The following IL18RAP variants were observed in gnomAD, a reference collection of about 807,000 sequenced individuals.
IL18RAP encodes the protein interleukin 18 receptor accessory protein.
In IL18RAP, 37 loss-of-function variants were observed where a neutral mutation model predicts 58.1. The ratio of observed to expected loss-of-function variants is 0.64; its 90% CI spans 0.49 to 0.84. The LOEUF (loss-of-function observed/expected upper bound fraction) is 0.84. Among genes scored for constraint, IL18RAP ranks in the 40% least tolerant of loss-of-function variants. The probability of loss-of-function intolerance (pLI) is 0.00; values close to 1 mark genes in which losing one functional copy is unlikely to be tolerated. For synonymous variants in IL18RAP, 268 were observed against 257.5 expected, an observed-to-expected ratio of 1.04 and a Z score of -0.39; for missense variants, 667 against 704.8, an observed-to-expected ratio of 0.95 and a Z score of 0.61.
chr2:102,451,847 C>T lies in IL18RAP; in HGVS notation c.1466C>T (p.Pro489Leu), dbSNP rs1368819981. Residue 489 changes from proline to leucine, a missense_variant, in exon 10 of 10, where the codon CCC (proline) becomes CTC (leucine). By Grantham distance (98) the Pro-to-Leu change is moderately conservative. Coordinates refer to ENST00000687160, the MANE Select transcript of IL18RAP (RefSeq NM_001393487.1). ...FILSPNYVNG[P>L]SIFELQAAVN... ...TTGAGCCCCAACTATGTCAATGGAC[C>T]CAGTATCTTTGAACTACAAGCAGCA... 3.7e-6 allele frequency: 6 copies of T among 1,613,550 alleles called. No individual in the cohort carries two copies. Among genetic ancestry groups the T allele is most frequent in the Admixed American group, 1.7e-5 (1 of 60,004 alleles).
In IL18RAP at chr2:102,424,380, G is replaced by C. The variant is rs916735169; in HGVS notation, c.545G>C (p.Ser182Thr). Reference sequence around the variant, plus strand: ...TCTTGCCCCAGTCTCAGCTGCCAAAGTGATGCACAAAGTCCAGCGGTAACC... The same window carrying C: ...TCTTGCCCCAGTCTCAGCTGCCAAACTGATGCACAAAGTCCAGCGGTAACC... Reference protein sequence around the residue: ...SISCPSLSCQSDAQSPAVTWY... With the variant: ...SISCPSLSCQTDAQSPAVTWY... Residue 182 changes from serine to threonine, a missense_variant, in exon 3 of 10, where the codon AGT becomes ACT. Physicochemically the swap from Ser to Thr is moderately conservative, Grantham distance 58. Transcript: ENST00000687160. 2 of 1,614,070 alleles carry C rather than the reference G, an allele frequency of 1.2e-6. No individual in the cohort carries two copies. The highest frequency in any genetic ancestry group is 1.7e-5 in the Admixed American group (1 of 60,008).
intron 3 of IL18RAP, among the ~76,000 whole-genome samples, chr2:102,430,381 C>T (rs1682258611): frequency 6.6e-6 from 1 of 151,882 alleles, no homozygotes; most frequent in Non-Finnish European, 1.5e-5. Context: ...GCTATCCCTG[C>T]TCTCTCTTGG....
At position 102,423,208 on chromosome 2, in the gene IL18RAP, G is replaced by GA. The variant is rs754047273; in HGVS notation, c.-68dup. The GA allele has an allele frequency of 4.9e-6, 7 of 1,424,230 alleles. No individual in the cohort carries two copies. The highest frequency in any genetic ancestry group is 6.9e-6 in the Non-Finnish European group (7 of 1,007,680). 88.2% of individuals were successfully genotyped at this position (1,424,230 alleles called of 1,614,324 possible). ...AAGGGGATACTCAGGGCAGAGTTCT[G>GA]AATCTCAAAACACTCTACTCTGGCA... On this transcript the variant is annotated 5_prime_UTR_variant, in exon 1 of 10. Coordinates refer to ENST00000687160, the MANE Select transcript of IL18RAP (RefSeq NM_001393487.1).
intron 3 of IL18RAP, among the ~76,000 whole-genome samples, chr2:102,427,758 A>C (rs1488578662): frequency 6.6e-6 from 1 of 152,006 alleles, no homozygotes; most frequent in Non-Finnish European, 1.5e-5. Context: ...GGTCATATTC[A>C]AAAGAATATT....
chr2:102,445,620 G>A (rs545759664), intron 7 of IL18RAP, among the ~76,000 whole-genome samples: 14 of 152,294 alleles, frequency 9.2e-5, no homozygotes, highest in Admixed American at 6.5e-4. Context: ...ATTCATTCAC[G>A]CATTCATTCT....
chr2:102,425,153 T>C (rs910911055), intron 3 of IL18RAP, among the ~76,000 whole-genome samples: 38 of 152,216 alleles, frequency 2.5e-4, no homozygotes, highest in African/African-American at 8.4e-4. Context: ...AATCACTTCC[T>C]ACAATTGCAA....
In IL18RAP at chr2:102,447,721, T is replaced by A. The variant is rs144518688; in HGVS notation, c.1210+514T>A. On this transcript the variant is annotated intron_variant, in intron 8 of 9. Coordinates refer to ENST00000687160, the MANE Select transcript of IL18RAP (RefSeq NM_001393487.1). The stretch of plus-strand genomic sequence containing the variant: ...ATTCATTCATTTATGTATGTATGTA[T>A]GTATGTATTTATTTATTTATTTATT... 2.0e-5 allele frequency among the ~76,000 whole-genome samples: 3 copies of A among 146,834 alleles called. No homozygotes were observed. The East Asian group carries it at 5.8e-4, about 28-fold the overall frequency.
intron 3 of IL18RAP, 87 bp downstream of exon 3, chr2:102,424,501 G>T: frequency 3.3e-6 from 4 of 1,227,044 alleles, no homozygotes; most frequent in Non-Finnish European, 4.6e-6. Context: ...GCGTGTTTGA[G>T]AATCTGAGGT....
At position 102,443,168 on chromosome 2, in the gene IL18RAP, C is replaced by T. The variant is rs1683208284; in HGVS notation, c.797-32C>T. 2.5e-6 allele frequency: 4 copies of T among 1,593,962 alleles called. No individual in the cohort carries two copies. The East Asian group carries it at 9.0e-5, about 36-fold the overall frequency. ...AGGACAAAGTATTCTCACCAGCTTC[C>T]TTCTTGTTTTCTCTGGCCTCTTCAT... On this transcript the variant is annotated intron_variant, in intron 5 of 9. Coordinates refer to ENST00000687160, the MANE Select transcript of IL18RAP (RefSeq NM_001393487.1).
chr2:102,428,543 T>A (rs1416679246), intron 3 of IL18RAP, among the ~76,000 whole-genome samples: 1 of 151,936 alleles, frequency 6.6e-6, no homozygotes, highest in African/African-American at 2.4e-5. Context: ...CTGCTAATTT[T>A]TATACGTTGA....
chr2:102,450,264 A>T (rs1446052337), intron 8 of IL18RAP, among the ~76,000 whole-genome samples: 1 of 500 alleles, frequency 2.0e-3, no homozygotes, highest in East Asian at 0.12. Context: ...ATAGAGGGGA[A>T]TGGACATTTA....
At chr2:102,422,579 T>G (rs1243352810), upstream of IL18RAP, among the ~76,000 whole-genome samples, 2 of 152,182 alleles carry the variant, frequency 1.3e-5, no homozygotes, top group Non-Finnish European at 2.9e-5. Flanking sequence ...ATGACTGCCT[T>G]ATCAAGAGAG....
chr2:102,451,153 A>G (rs1157630857), intron 9 of IL18RAP, 132 bp downstream of exon 9: 1 of 645,952 alleles, frequency 1.5e-6, no homozygotes, highest in Non-Finnish European at 2.5e-6. Context: ...ATCTTGGGCA[A>G]CAACACAGAA....
intron 5 of IL18RAP, among the ~76,000 whole-genome samples, chr2:102,441,891 GAA>G (rs34195808): frequency 4.0e-5 from 6 of 149,994 alleles, no homozygotes; most frequent in South Asian, 2.1e-4. Flanking sequence ...CCATCTCAAA[GAA>G]AAAAAAAAAT....
intron 3 of IL18RAP, among the ~76,000 whole-genome samples, chr2:102,430,612 T>C (rs1187812903): frequency 6.6e-6 from 1 of 152,142 alleles, no homozygotes; most frequent in African/African-American, 2.4e-5. Flanking sequence ...GTGTGTTTTG[T>C]AGGTTTTTTG....
intron 3 of IL18RAP, among the ~76,000 whole-genome samples, chr2:102,433,602 G>C (rs1018548584): frequency 3.3e-5 from 5 of 151,868 alleles, no homozygotes. Flanking sequence ...TCAGTGCACT[G>C]AGCTAGAGAC....
chr2:102,436,792 T>C (rs1682771251), intron 3 of IL18RAP, among the ~76,000 whole-genome samples: 3 of 128,904 alleles, frequency 2.3e-5, no homozygotes, highest in Non-Finnish European at 4.8e-5. Context: ...TATATGTGTG[T>C]GTATGTATAT....
chr2:102,447,205 G>C lies in IL18RAP; in HGVS notation c.1208G>C (p.Gly403Ala), dbSNP rs758155943. 8 of 1,612,858 alleles carry C rather than the reference G, an allele frequency of 5.0e-6. No individual in the cohort carries two copies. In the African/African-American group the frequency reaches 9.4e-5, roughly 19 times the overall value. ...RTYQSKDQTL[G>A]DKKDFDAFVS... Reference sequence around the variant, plus strand: ...TACCAGAGCAAGGATCAGACGCTTGGGGGTAAGTTTACCTCCACATGCAGC... The same window carrying C: ...TACCAGAGCAAGGATCAGACGCTTGCGGGTAAGTTTACCTCCACATGCAGC... Residue 403 changes from glycine to alanine, a missense_variant and splice_region_variant, in exon 8 of 10, where the codon GGG (glycine) becomes GCG (alanine). Gly to Ala is a moderately conservative substitution (Grantham distance 60, BLOSUM62 0). Transcript: ENST00000687160.
chr2:102,424,473 T>A lies in IL18RAP; in HGVS notation c.579+59T>A, dbSNP rs1440217126. On this transcript the variant is annotated intron_variant, in intron 3 of 9. Transcript: ENST00000687160. The stretch of plus-strand genomic sequence containing the variant: ...CATTGTTTTTATGGTATCTTCTTCA[T>A]GGGCTTTTCATGGAAAAGCGTGTTT... 5.5e-6 allele frequency: 8 copies of A among 1,466,714 alleles called. No individual in the cohort carries two copies. The East Asian group carries it at 1.8e-4, about 33-fold the overall frequency. The allele number at this position is 1,466,714 out of a possible 1,614,324, so 90.9% of individuals were successfully genotyped here.
Sources: gnomAD v4.1 joint callset for allele counts (sites outside exome capture counted in the v4.1 genomes callset) on GRCh38, gnomAD v4.1.1 for gene constraint, MANE v1.5 for transcripts, NCBI Gene and HGNC (gene_info 2026-07-23, HGNC 2026-07-21) for gene names.